Variants in CLSTN2 observed in about 807,000 individuals in gnomAD.
The protein encoded by CLSTN2 is calsyntenin-2.
Under a neutral mutation model 101.2 loss-of-function variants are expected in CLSTN2, and 48 were observed. The observed-to-expected ratio is 0.47, with a 90% CI of 0.38 to 0.60. CLSTN2 has a LOEUF of 0.60. CLSTN2 is among the 20% of genes least tolerant of loss of function. CLSTN2 has a pLI of 0.00. For missense variants in CLSTN2, 1,160 were observed against 1,238.2 expected (o/e 0.94, Z 0.95); for synonymous variants, 481 against 463.6 (o/e 1.04, Z -0.48).
chr3:140,524,019 CAGGAATGAGGGGAGAAT>C (rs950659659), intron 8 of CLSTN2, among the ~76,000 whole-genome samples: 1 of 152,176 alleles, frequency 6.6e-6, no homozygotes, highest in African/African-American at 2.4e-5. Context: ...AAGCACAGAT[CAGGAATGAGGGGAGAAT>C]AGATAAGACG....
At chr3:140,012,097 C>A (rs1339619596) in intron 1 of CLSTN2, among the ~76,000 whole-genome samples, 2 of 151,984 alleles carry the variant, frequency 1.3e-5, no homozygotes, top group Non-Finnish European at 2.9e-5. Flanking sequence ...GGAAGATGGA[C>A]GGGAGGGTGC....
At chr3:140,290,835 C>A (rs1197093196) in intron 2 of CLSTN2, among the ~76,000 whole-genome samples, 1 of 152,192 alleles carries the variant, frequency 6.6e-6, no homozygotes, top group Non-Finnish European at 1.5e-5. Context: ...GACAACAGCT[C>A]CTTTACCATC....
intron 8 of CLSTN2, among the ~76,000 whole-genome samples, chr3:140,498,259 G>A (rs975948755): frequency 6.6e-6 from 1 of 152,198 alleles, no homozygotes; most frequent in African/African-American, 2.4e-5. Flanking sequence ...ATCAGCCCAA[G>A]ATTTTTTCCA....
intron 1 of CLSTN2, among the ~76,000 whole-genome samples, chr3:140,007,267 G>T (rs930229098): frequency 3.3e-5 from 5 of 152,244 alleles, no homozygotes; most frequent in African/African-American, 7.2e-5. Flanking sequence ...GAAGCAGACA[G>T]ATCTGAGTTG....
At chr3:140,335,728 C>T (rs918585456) in intron 2 of CLSTN2, among the ~76,000 whole-genome samples, 5 of 152,170 alleles carry the variant, frequency 3.3e-5, no homozygotes, top group East Asian at 1.9e-4. Flanking sequence ...TCCAAGTATC[C>T]GCTGGTTCCT....
At chr3:140,022,019 G>T (rs961920433) in intron 1 of CLSTN2, among the ~76,000 whole-genome samples, 1 of 152,186 alleles carries the variant, frequency 6.6e-6, no homozygotes, top group African/African-American at 2.4e-5. Flanking sequence ...GATGCTGAAG[G>T]CCAGGCTGTT....
chr3:140,396,012 G>A (rs73228965), intron 2 of CLSTN2, among the ~76,000 whole-genome samples: 4,627 of 152,234 alleles, frequency 0.03, 91 homozygotes, highest in Non-Finnish European at 0.039. Flanking sequence ...CAGGAAGACC[G>A]CCTTCATGTT....
chr3:140,030,798 A>T (rs998324611), intron 1 of CLSTN2, among the ~76,000 whole-genome samples: 9 of 152,272 alleles, frequency 5.9e-5, no homozygotes, highest in African/African-American at 2.2e-4. Flanking sequence ...GCCCAACAAC[A>T]TCTTCACTAA....
chr3:140,309,176 G>T (rs1034116223), intron 2 of CLSTN2, among the ~76,000 whole-genome samples: 3 of 152,156 alleles, frequency 2.0e-5, no homozygotes, highest in African/African-American at 7.2e-5. Flanking sequence ...ATCTTGACAA[G>T]TGAGACAAAG....
chr3:140,084,801 C>A (rs2008654091), intron 1 of CLSTN2, among the ~76,000 whole-genome samples: 1 of 152,186 alleles, frequency 6.6e-6, no homozygotes, highest in African/African-American at 2.4e-5. Flanking sequence ...CTGCAACAAG[C>A]ATTTTCTACT....
At chr3:140,168,399 A>T (rs1043491176) in intron 1 of CLSTN2, among the ~76,000 whole-genome samples, 1 of 152,144 alleles carries the variant, frequency 6.6e-6, no homozygotes, top group Non-Finnish European at 1.5e-5. Flanking sequence ...AATTATTTAT[A>T]TATTTTGGAT....
At position 139,941,120 on chromosome 3, in the gene CLSTN2, C is replaced by T. The variant is rs79508117; in HGVS notation, c.109+5637C>T. On this transcript the variant is annotated intron_variant, in intron 1 of 16. Transcript: ENST00000458420. ...TGATATTCAAATAACAGCTTGAAAT[C>T]GATGATTGTTTTATTAGCTGTTATC... Among the ~76,000 whole-genome samples the T allele has an allele frequency of 5.0e-3, 762 of 152,166 alleles. 5 individuals are homozygous for T. The highest frequency in any genetic ancestry group is 0.016 in the African/African-American group (656 of 41,490).
At chr3:140,431,596 G>A (rs1472567844) in intron 5 of CLSTN2, among the ~76,000 whole-genome samples, 5 of 152,034 alleles carry the variant, frequency 3.3e-5, no homozygotes, top group East Asian at 3.9e-4. Flanking sequence ...CCCTGTCCCC[G>A]TTTTTGACTT....
At chr3:140,558,559 T>G (rs1935845351) in intron 11 of CLSTN2, 81 bp from the exon 12 acceptor site, 1 of 1,143,956 alleles carries the variant, frequency 8.7e-7, no homozygotes, top group Non-Finnish European at 1.3e-6. Flanking sequence ...GAACTGGAGG[T>G]GGCAACCCCT....
intron 5 of CLSTN2, among the ~76,000 whole-genome samples, chr3:140,434,186 C>G (rs10935380): frequency 0.13 from 19,416 of 152,130 alleles, 2,506 homozygotes; most frequent in African/African-American, 0.33. Context: ...GCCCCCTTCT[C>G]CCCACATCTA....
At chr3:140,224,224 C>G (rs1166382563) in intron 2 of CLSTN2, among the ~76,000 whole-genome samples, 2 of 152,182 alleles carry the variant, frequency 1.3e-5, no homozygotes, top group Non-Finnish European at 2.9e-5. Context: ...TTTGTGTGAC[C>G]AATGGCGAAT....
intron 8 of CLSTN2, among the ~76,000 whole-genome samples, chr3:140,499,674 T>C (rs1983252): frequency 0.059 from 9,031 of 152,164 alleles, 498 homozygotes; most frequent in African/African-American, 0.14. Context: ...CATCCTCAAA[T>C]ACTTCTCACT....
chr3:140,397,531 G>A (rs2088196023), intron 2 of CLSTN2, among the ~76,000 whole-genome samples: 1 of 152,140 alleles, frequency 6.6e-6, no homozygotes. Context: ...TCACAGTTCT[G>A]GAGGCTGAGA....
chr3:140,246,818 A>G (rs2086522142), intron 2 of CLSTN2, among the ~76,000 whole-genome samples: 2 of 152,102 alleles, frequency 1.3e-5, no homozygotes, highest in Admixed American at 1.3e-4. Flanking sequence ...AGCTGCTTAC[A>G]TGTCAGGGCT....
Sources: allele counts gnomAD v4.1 joint callset (sites outside exome capture counted in the v4.1 genomes callset), GRCh38; gene constraint gnomAD v4.1.1; transcripts MANE v1.5; gene names NCBI Gene and HGNC (gene_info 2026-07-23, HGNC 2026-07-21).